FAS: variants seen among roughly 807,000 people sequenced by gnomAD.
The protein encoded by FAS is tumor necrosis factor receptor superfamily member 6.
Under a neutral mutation model 33.2 loss-of-function variants are expected in FAS, and 5 were observed. The observed-to-expected ratio is 0.15, with a 90% CI of 0.08 to 0.32. The LOEUF is 0.32. Among genes scored for constraint, FAS ranks in the 10% least tolerant of loss-of-function variants. FAS has a pLI of 1.00. For synonymous variants in FAS, 131 were observed against 130.7 expected (o/e 1.00, Z -0.01); for missense variants, 339 against 386.0 (o/e 0.88, Z 1.02).
intron 1 of FAS, among the ~76,000 whole-genome samples, chr10:88,995,072 G>A (rs1847505912): frequency 7.2e-6 from 1 of 138,216 alleles, no homozygotes; most frequent in Non-Finnish European, 1.5e-5. Context: ...TTAGTGTGTA[G>A]TTTTCTTTTT....
rs544038010 is a variant in FAS, at chr10:88,965,100, G to T, written n.95-8082G>T. 3.9e-5 allele frequency among the ~76,000 whole-genome samples: 6 copies of T among 152,240 alleles called. No individual in the cohort carries two copies. In the East Asian group the frequency reaches 1.2e-3, roughly 29 times the overall value. On this transcript the variant is annotated intron_variant and non_coding_transcript_variant, in intron 1 of 3. Transcript: ENST00000688239. ...AAAGTCTACTCAAAATTCATCTACA[G>T]CAAACCTTCTTAGATGCATTTTTTC...
At chr10:88,990,575 C>G (rs368829675), upstream of FAS, 5 of 658,554 alleles carry the variant, frequency 7.6e-6, no homozygotes, top group Non-Finnish European at 1.4e-5. The surrounding 1 kb of genome is among the most constrained non-coding windows in gnomAD (Gnocchi z 4.9). Flanking sequence ...GGAGCCCTCC[C>G]CAACCCGGGC....
At chr10:89,005,811 G>A (rs1418344558) in intron 2 of FAS, among the ~76,000 whole-genome samples, 1 of 152,020 alleles carries the variant, frequency 6.6e-6, no homozygotes, top group Non-Finnish European at 1.5e-5. Flanking sequence ...ATAATTTTTT[G>A]TGTTTTTAAT....
At chr10:89,013,535 ATT>A in intron 8 of FAS, among the ~76,000 whole-genome samples, 168 bp downstream of exon 8, 1 of 152,300 alleles carries the variant, frequency 6.6e-6, no homozygotes, top group Non-Finnish European at 1.5e-5. Flanking sequence ...GTTTGTTTAA[ATT>A]TATAATGAAT....
chr10:89,009,121 A>G (rs1048394279), intron 4 of FAS, 124 bp downstream of exon 4: 2 of 921,436 alleles, frequency 2.2e-6, no homozygotes, highest in South Asian at 1.3e-5. Context: ...CCTCCAAGCA[A>G]CTAGATGACT....
chr10:88,965,528 C>T (rs993529860), intron 1 of FAS, among the ~76,000 whole-genome samples: 2 of 152,168 alleles, frequency 1.3e-5, no homozygotes, highest in African/African-American at 4.8e-5. Context: ...AAGCAGCACG[C>T]GGCTGCCTAG....
rs182807520 is a variant in FAS at position 89,015,125 on chromosome 10, G to A, written c.*675G>A. ...ATTATATATGTGTATGCATTTTACTGGCTCAAAACTACCTACTTCTTTCTC... is the reference window on the plus strand; with the variant it reads ...ATTATATATGTGTATGCATTTTACTAGCTCAAAACTACCTACTTCTTTCTC... On this transcript the variant is annotated 3_prime_UTR_variant, in exon 9 of 9. Transcript: ENST00000652046. 2 of 534,696 alleles carry A rather than the reference G, an allele frequency of 3.7e-6. No homozygotes were observed. The highest frequency in any genetic ancestry group is 3.7e-5 in the African/African-American group (2 of 53,928). 33.1% of individuals were successfully genotyped at this position (534,696 alleles called of 1,614,324 possible).
intron 1 of FAS, among the ~76,000 whole-genome samples, chr10:88,966,184 G>A (rs1409039594): frequency 2.0e-5 from 3 of 152,194 alleles, no homozygotes; most frequent in Admixed American, 2.0e-4. Context: ...GGTAAGAAGG[G>A]AATGTGATAC....
At chr10:88,975,636 A>G (rs1246206355) in intron 2 of FAS, among the ~76,000 whole-genome samples, 1 of 151,682 alleles carries the variant, frequency 6.6e-6, no homozygotes, top group African/African-American at 2.4e-5. Context: ...GTTCCATGAG[A>G]GTAGGATTTT....
At chr10:88,990,418 T>G (rs1847089919), upstream of FAS, 2 of 457,172 alleles carry the variant, frequency 4.4e-6, no homozygotes, top group African/African-American at 3.9e-5. This position sits in a 1 kb window ranked among gnomAD's most constrained non-coding sequence, Gnocchi z 4.9. Context: ...AGGCCGGCTC[T>G]CGAGGTCCTC....
rs558425133 is a variant in FAS, at chr10:88,995,950, A to G, written c.30+5044A>G. Among the ~76,000 whole-genome samples the G allele has an allele frequency of 2.0e-5, 3 of 152,332 alleles. No homozygotes were observed. In the East Asian group the frequency reaches 5.8e-4, roughly 29 times the overall value. ...CCAGCAAAGTGAGCAAGCTTACTATAGGTTGTGTTAAGGCATGGACTGGGA... is the reference window on the plus strand; with the variant it reads ...CCAGCAAAGTGAGCAAGCTTACTATGGGTTGTGTTAAGGCATGGACTGGGA... On this transcript the variant is annotated intron_variant, in intron 1 of 8. Transcript: ENST00000652046.
At chr10:88,996,635 G>A (rs1488825653) in intron 1 of FAS, among the ~76,000 whole-genome samples, 2 of 152,156 alleles carry the variant, frequency 1.3e-5, no homozygotes, top group African/African-American at 4.8e-5. Context: ...ATAAGTATGT[G>A]AAGGAATGCC....
intron 1 of FAS, chr10:88,991,175 T>C: frequency 1.7e-6 from 1 of 582,984 alleles, no homozygotes; most frequent in African/African-American, 1.9e-5. Flanking sequence ...GCGGGGCAGC[T>C]CCGGCGCTCC....
At chr10:89,012,204 G>GCAAGACTCCATC in intron 7 of FAS, 123 bp downstream of exon 7, 4 of 859,734 alleles carry the variant, frequency 4.7e-6, no homozygotes, top group Non-Finnish European at 7.5e-6. Flanking sequence ...TTGAGATGGA[G>GCAAGACTCCATC]TCTTGCTCCA....
At chr10:88,973,287 T>A (rs1846490776) in exon 2 of FAS, 10 of 1,612,132 alleles carry the variant, frequency 6.2e-6, no homozygotes, top group Non-Finnish European at 8.5e-6. Context: ...GATCTCTAGG[T>A]CATCATCACC....
intron 1 of FAS, among the ~76,000 whole-genome samples, chr10:88,968,107 C>CTGTGTT (rs1241381435): frequency 1.3e-5 from 2 of 151,920 alleles, no homozygotes; most frequent in African/African-American, 4.8e-5. Context: ...CTATTCAATT[C>CTGTGTT]AGTAGTTTCT....
intron 1 of FAS, among the ~76,000 whole-genome samples, chr10:88,972,538 T>C (rs1307148569): frequency 6.6e-6 from 1 of 152,192 alleles, no homozygotes; most frequent in African/African-American, 2.4e-5. Flanking sequence ...CCTGCCTTCT[T>C]TTATATTGTT....
intron 1 of FAS, chr10:88,991,212 G>A: frequency 5.5e-6 from 3 of 546,472 alleles, no homozygotes; most frequent in Non-Finnish European, 9.9e-6. Flanking sequence ...TCCACGTTGA[G>A]GTGGGCGTGG....
Position 89,003,070 on chromosome 10 carries a change from T to A in FAS, c.72T>A (p.Asn24Lys). The A allele has an allele frequency of 6.2e-7, 1 of 1,614,160 alleles. No individual in the cohort carries two copies. Among genetic ancestry groups the A allele is most frequent in the African/African-American group, 1.3e-5 (1 of 75,042 alleles). Residue 24 changes from asparagine (N) to lysine (K), a missense_variant, in exon 2 of 9, where the codon AAT becomes AAA. Coordinates refer to ENST00000652046, the MANE Select transcript of FAS (RefSeq NM_000043.6). ...CTAGATTATCGTCCAAAAGTGTTAA[T>A]GCCCAAGTGACTGACATCAACTCCA... ...SVARLSSKSV[N>K]AQVTDINSKG...
Sources: allele counts gnomAD v4.1 joint callset (sites outside exome capture counted in the v4.1 genomes callset), GRCh38; gene constraint gnomAD v4.1.1; non-coding constraint Gnocchi (gnomAD v3.1); transcripts MANE v1.5; gene names NCBI Gene and HGNC (gene_info 2026-07-23, HGNC 2026-07-21).